Variants in ADAMTS3 observed in about 807,000 individuals in gnomAD.
ADAMTS3 encodes ADAM metallopeptidase with thrombospondin type 1 motif 3, also known as A disintegrin and metalloproteinase with thrombospondin motifs 3.
ADAMTS3 carries 73 observed loss-of-function variants against 129.0 expected under a neutral mutation model. The ratio of observed to expected loss-of-function variants is 0.57; its 90% CI spans 0.47 to 0.69. The LOEUF is 0.69. ADAMTS3 is among the 30% of genes least tolerant of loss of function. The pLI is 0.00. For missense variants in ADAMTS3, 1,457 were observed against 1,514.5 expected (o/e 0.96, Z 0.63); for synonymous variants, 477 against 510.8 (o/e 0.93, Z 0.89).
chr4:72,310,970 A>G lies in ADAMTS3; in HGVS notation c.2055+78T>C. Reference sequence around the variant, plus strand: ...GTGATTTCAAAGATAAAATAGTTTAAAAAATTAAAAATGTGCAGATGAATG... The same window carrying G: ...GTGATTTCAAAGATAAAATAGTTTAGAAAATTAAAAATGTGCAGATGAATG... On this transcript the variant is annotated intron_variant, in intron 14 of 21. Transcript: ENST00000286657. 3.7e-6 allele frequency: 5 copies of G among 1,344,626 alleles called. No individual in the cohort carries two copies. The South Asian group carries it at 7.5e-5, about 20-fold the overall frequency. 83.3% of individuals were successfully genotyped at this position (1,344,626 alleles called of 1,614,324 possible).
chr4:72,440,833 A>C (rs1718095031), intron 3 of ADAMTS3, among the ~76,000 whole-genome samples: 1 of 151,796 alleles, frequency 6.6e-6, no homozygotes, highest in African/African-American at 2.4e-5. Flanking sequence ...CACCTATTCA[A>C]TTTGGATTTT....
chr4:72,299,272 T>C (rs1044717517), intron 17 of ADAMTS3, among the ~76,000 whole-genome samples: 8 of 152,050 alleles, frequency 5.3e-5, no homozygotes, highest in African/African-American at 1.9e-4. Flanking sequence ...GTGGGTACAA[T>C]GTGCATTGCT....
intron 2 of ADAMTS3, among the ~76,000 whole-genome samples, chr4:72,550,776 T>A (rs994571768): frequency 1.2e-4 from 18 of 152,136 alleles, no homozygotes; most frequent in Non-Finnish European, 1.5e-5. Flanking sequence ...TGAGCACAAG[T>A]GTCACGGGTG....
intron 3 of ADAMTS3, among the ~76,000 whole-genome samples, chr4:72,491,813 C>T (rs1016468455): frequency 2.6e-5 from 4 of 151,786 alleles, no homozygotes; most frequent in Non-Finnish European, 4.4e-5. Flanking sequence ...CCCTTTTCTT[C>T]GATTTTCTGG....
chr4:72,303,343 C>G (rs1456318737), intron 17 of ADAMTS3, among the ~76,000 whole-genome samples: 1 of 151,904 alleles, frequency 6.6e-6, no homozygotes, highest in Non-Finnish European at 1.5e-5. Context: ...AGCCCCCAAA[C>G]CCTTGGAACT....
chr4:72,468,995 T>C (rs1364198863), intron 3 of ADAMTS3, among the ~76,000 whole-genome samples: 1 of 152,142 alleles, frequency 6.6e-6, no homozygotes, highest in African/African-American at 2.4e-5. Context: ...ACTTTTCATA[T>C]GCAAGTTCCT....
chr4:72,545,931 C>T (rs1721454613), intron 3 of ADAMTS3, among the ~76,000 whole-genome samples: 1 of 152,196 alleles, frequency 6.6e-6, no homozygotes, highest in Non-Finnish European at 1.5e-5. Flanking sequence ...TGTATCACAG[C>T]TCACAATCAC....
chr4:72,550,578 T>A (rs1485992795), intron 2 of ADAMTS3, among the ~76,000 whole-genome samples: 1 of 152,176 alleles, frequency 6.6e-6, no homozygotes, highest in Middle Eastern at 3.2e-3. Flanking sequence ...GACTGTAGTA[T>A]GAGTCAAGTG....
chr4:72,303,963 T>G lies in ADAMTS3; in HGVS notation c.2378A>C (p.Glu793Ala). ...TAAAGGTCCATCGGTGTGAAGACTT[T>G]CAATGTCATCTTCAATGTTATAATC... ...EWDYNIEDDIESLHTDGPLHD... is the reference protein window; with the variant it reads ...EWDYNIEDDIASLHTDGPLHD... Residue 793 changes from glutamate (E) to alanine (A), a missense_variant, in exon 17 of 22, where the codon GAA (glutamate) becomes GCA (alanine). Transcript: ENST00000286657. 2 of 1,613,694 alleles carry G rather than the reference T, an allele frequency of 1.2e-6. No homozygotes were observed. Among genetic ancestry groups the G allele is most frequent in the African/African-American group, 1.3e-5 (1 of 74,994 alleles).
intron 4 of ADAMTS3, among the ~76,000 whole-genome samples, chr4:72,402,073 T>C (rs756260721): frequency 6.6e-6 from 1 of 152,202 alleles, no homozygotes; most frequent in East Asian, 1.9e-4. Context: ...TTAAGAGTTA[T>C]TGATAATAAT....
intron 3 of ADAMTS3, among the ~76,000 whole-genome samples, chr4:72,473,875 TG>T (rs1179991570): frequency 6.6e-6 from 1 of 152,218 alleles, no homozygotes; most frequent in Non-Finnish European, 1.5e-5. Context: ...CACCATTGCC[TG>T]GTAATAAGGT....
intron 3 of ADAMTS3, among the ~76,000 whole-genome samples, chr4:72,530,754 ATATATTATATAGATTATATATATT>A (rs1249644254): frequency 7.9e-5 from 2 of 25,434 alleles, no homozygotes; most frequent in African/African-American, 3.4e-4. Context: ...ATTATATATT[ATATATTATATAGATTATATATATT>A]ATATTATACA....
intron 14 of ADAMTS3, among the ~76,000 whole-genome samples, 164 bp from the exon 15 acceptor site, chr4:72,309,684 A>C (rs1719180782): frequency 6.6e-6 from 1 of 152,068 alleles, no homozygotes; most frequent in Non-Finnish European, 1.5e-5. Flanking sequence ...TTTTAAAAAA[A>C]ATAATGGGAA....
chr4:72,441,742 C>T (rs1003730919), intron 3 of ADAMTS3: 7 of 151,736 alleles, frequency 4.6e-5, no homozygotes, highest in Non-Finnish European at 1.0e-4. Flanking sequence ...GTTTATTCAT[C>T]AGTCACATCA....
intron 10 of ADAMTS3, among the ~76,000 whole-genome samples, chr4:72,316,749 GA>G (rs138541640): frequency 6.6e-6 from 1 of 151,558 alleles, no homozygotes; most frequent in African/African-American, 2.4e-5. Flanking sequence ...ACTAAAAGCA[GA>G]AAAAAATTGT....
intron 4 of ADAMTS3, among the ~76,000 whole-genome samples, chr4:72,389,129 G>C (rs1721519560): frequency 6.6e-6 from 1 of 152,220 alleles, no homozygotes; most frequent in Non-Finnish European, 1.5e-5. Flanking sequence ...TCAGTTCTGG[G>C]AATGCGAACC....
chr4:72,438,495 A>G (rs535196714), intron 3 of ADAMTS3, among the ~76,000 whole-genome samples: 2 of 151,880 alleles, frequency 1.3e-5, no homozygotes, highest in African/African-American at 4.8e-5. Context: ...TAGTGATAAG[A>G]ATGTCATTGT....
intron 3 of ADAMTS3, among the ~76,000 whole-genome samples, chr4:72,437,379 A>G (rs960295369): frequency 3.3e-5 from 5 of 151,814 alleles, no homozygotes; most frequent in African/African-American, 1.2e-4. Flanking sequence ...ACATCCTAAA[A>G]TATTTTCAAA....
rs561701526 is a variant in ADAMTS3, at chr4:72,551,556, C to T, written c.98-2672G>A. ...GTAATGAGGAAAAAGATACGATTGG[C>T]AACCCTTTGGATTACCATCTCCTGG... On this transcript the variant is annotated intron_variant, in intron 2 of 21. Coordinates refer to ENST00000286657, the MANE Select transcript of ADAMTS3 (RefSeq NM_014243.3). Among the ~76,000 whole-genome samples, 4 of 152,240 alleles carry T rather than the reference C, an allele frequency of 2.6e-5. No individual in the cohort carries two copies. In the South Asian group the frequency reaches 8.3e-4, roughly 32 times the overall value.
Sources: gnomAD v4.1 joint callset for allele counts (sites outside exome capture counted in the v4.1 genomes callset) on GRCh38, gnomAD v4.1.1 for gene constraint, MANE v1.5 for transcripts, NCBI Gene and HGNC (gene_info 2026-07-23, HGNC 2026-07-21) for gene names.